Variants in PDE9A observed in about 807,000 individuals in gnomAD.
The protein encoded by PDE9A is high affinity cGMP-specific 3',5'-cyclic phosphodiesterase 9A.
In PDE9A, 60 loss-of-function variants were observed where a neutral mutation model predicts 87.4. The ratio of observed to expected loss-of-function variants is 0.69; its 90% CI spans 0.56 to 0.85. The LOEUF is 0.85. Among genes scored for constraint, PDE9A ranks in the 40% least tolerant of loss-of-function variants. The probability of loss-of-function intolerance (pLI) is 0.00; values close to 1 mark genes in which losing one functional copy is unlikely to be tolerated. For synonymous variants in PDE9A, 272 were observed against 279.4 expected (o/e 0.97, Z 0.27); for missense variants, 665 against 779.0 (o/e 0.85, Z 1.74).
rs528209780 is a variant in PDE9A at position 42,688,523 on chromosome 21, C to T, written c.218+529C>T. ...ATGTCTGTGAACTAGGTCAAGCCAGCGGTGTATGGCCCAGGAAGGACGCGG... is the reference window on the plus strand; with the variant it reads ...ATGTCTGTGAACTAGGTCAAGCCAGTGGTGTATGGCCCAGGAAGGACGCGG... On this transcript the variant is annotated intron_variant, in intron 3 of 19. Coordinates refer to ENST00000291539, the MANE Select transcript of PDE9A (RefSeq NM_002606.3). Among the ~76,000 whole-genome samples the T allele has an allele frequency of 9.8e-5, 15 of 152,294 alleles. 1 individual carries two copies. Among genetic ancestry groups the T allele is most frequent in the Admixed American group, 3.3e-4 (5 of 15,294 alleles).
At chr21:42,750,631 A>G (rs2054320803) in intron 8 of PDE9A, among the ~76,000 whole-genome samples, 1 of 151,386 alleles carries the variant, frequency 6.6e-6, no homozygotes, top group Non-Finnish European at 1.5e-5. Flanking sequence ...GCTGGCGTGC[A>G]GTGGCACAAT....
intron 4 of PDE9A, among the ~76,000 whole-genome samples, chr21:42,710,752 C>T (rs1018840632): frequency 1.3e-5 from 2 of 152,196 alleles, no homozygotes; most frequent in African/African-American, 4.8e-5. Flanking sequence ...CTTTGGAAGG[C>T]CAAGGTGGGT....
intron 1 of PDE9A, among the ~76,000 whole-genome samples, chr21:42,685,505 T>C (rs1043901135): frequency 2.1e-5 from 3 of 143,504 alleles, no homozygotes; most frequent in African/African-American, 7.7e-5. Context: ...TCACTCTTGT[T>C]GCCCAGGCTG....
intron 3 of PDE9A, chr21:42,698,767 G>A: frequency 2.2e-6 from 1 of 444,798 alleles, no homozygotes; most frequent in East Asian, 3.4e-5. Flanking sequence ...AGAGGAAGGT[G>A]ATCATTTAAA....
At chr21:42,700,839 TAAAAC>T (rs1183939409) in intron 4 of PDE9A, 3 of 152,240 alleles carry the variant, frequency 2.0e-5, no homozygotes, top group Non-Finnish European at 4.4e-5. Flanking sequence ...TTACATGTCT[TAAAAC>T]AACAGCACAC....
At chr21:42,726,622 A>ATTTTTT (rs1445924271) in intron 4 of PDE9A, among the ~76,000 whole-genome samples, 36 of 25,210 alleles carry the variant, frequency 1.4e-3, no homozygotes, top group South Asian at 2.4e-3. Flanking sequence ...ATATATATAT[A>ATTTTTT]TATTTTTTTT....
At chr21:42,727,077 C>CAAAAAAAAA in intron 4 of PDE9A, among the ~76,000 whole-genome samples, 1 of 81,686 alleles carries the variant, frequency 1.2e-5, no homozygotes. Context: ...TCTATTTCTA[C>CAAAAAAAAA]AAAAAAAAAA....
intron 1 of PDE9A, among the ~76,000 whole-genome samples, chr21:42,681,389 A>G (rs369274488): frequency 5.3e-5 from 8 of 152,366 alleles, no homozygotes; most frequent in East Asian, 1.9e-4. Flanking sequence ...TCCGCAGCCG[A>G]TGGCCCAGGA....
rs775827952 is a variant in PDE9A, at chr21:42,769,155, GGTGA to G, written c.1590+3_1590+6del. The stretch of plus-strand genomic sequence containing the variant: ...TCCCAATGTTTGAAACAGTGACCAA[GGTGA>G]GTAACTGTCACCACATGTCACACTT... On this transcript the variant is annotated splice_donor_variant and splice_donor_region_variant and intron_variant, in intron 17 of 19. Coordinates refer to ENST00000291539, the MANE Select transcript of PDE9A (RefSeq NM_002606.3). LOFTEE classifies it high-confidence loss of function. The G allele has an allele frequency of 9.3e-6, 15 of 1,612,424 alleles. No individual in the cohort carries two copies. The highest frequency in any genetic ancestry group is 3.3e-5 in the Admixed American group (2 of 59,824).
At chr21:42,721,247 T>C (rs2269149) in intron 4 of PDE9A, among the ~76,000 whole-genome samples, 97,833 of 151,970 alleles carry the variant, frequency 0.64, 32,048 homozygotes, top group East Asian at 0.94. Flanking sequence ...CGATACAAAA[T>C]GTGAAATTCC....
intron 8 of PDE9A, among the ~76,000 whole-genome samples, chr21:42,745,175 G>A (rs533871932): frequency 6.6e-6 from 1 of 152,348 alleles, no homozygotes; most frequent in South Asian, 2.1e-4. Flanking sequence ...AGAAGGTGAA[G>A]GGAAAGCCGA....
At chr21:42,729,182 T>C (rs2051460521) in intron 4 of PDE9A, among the ~76,000 whole-genome samples, 1 of 152,208 alleles carries the variant, frequency 6.6e-6, no homozygotes, top group Admixed American at 6.5e-5. Flanking sequence ...TGCTATAGGT[T>C]GTTTAAATTA....
chr21:42,757,962 G>A (rs2055257412), intron 10 of PDE9A: 1 of 152,398 alleles, frequency 6.6e-6, no homozygotes. Flanking sequence ...GCCCTTTTGG[G>A]AGGAGAAAGT....
At position 42,738,906 on chromosome 21, in the gene PDE9A, G is replaced by A. The variant is rs1456027688; in HGVS notation, c.569-4870G>A. On this transcript the variant is annotated intron_variant, in intron 7 of 19. Coordinates refer to ENST00000291539, the MANE Select transcript of PDE9A (RefSeq NM_002606.3). ...TTCATTATGTTGGCTGGACAAGCTG[G>A]TCTCAAACTCCTGACCTCAGGTGAT... 2.0e-5 allele frequency among the ~76,000 whole-genome samples: 3 copies of A among 152,196 alleles called. No individual in the cohort carries two copies. In the East Asian group the frequency reaches 5.8e-4, roughly 29 times the overall value.
In PDE9A at chr21:42,762,065, T is replaced by A. The variant is rs767617126; in HGVS notation, c.1086-18T>A. 60 of 1,610,098 alleles carry A rather than the reference T, an allele frequency of 3.7e-5. No individual in the cohort carries two copies. The highest frequency in any genetic ancestry group is 5.0e-5 in the Non-Finnish European group (59 of 1,177,876). The stretch of plus-strand genomic sequence containing the variant: ...TGAGGGCGCCTGAGTCTCCCCTCAC[T>A]CTCTCCTTGCCTCCCAGGTACCAGA... On this transcript the variant is annotated intron_variant, in intron 13 of 19. Coordinates refer to ENST00000291539, the MANE Select transcript of PDE9A (RefSeq NM_002606.3).
At chr21:42,709,788 A>T (rs987375983) in intron 4 of PDE9A, among the ~76,000 whole-genome samples, 1 of 152,002 alleles carries the variant, frequency 6.6e-6, no homozygotes, top group African/African-American at 2.4e-5. Flanking sequence ...GGCTCAGGTG[A>T]TCCTCCCACC....
chr21:42,678,739 G>A (rs2058991191), intron 1 of PDE9A, among the ~76,000 whole-genome samples: 1 of 152,268 alleles, frequency 6.6e-6, no homozygotes, highest in Non-Finnish European at 1.5e-5. Context: ...CATCGGATGT[G>A]CAGCCAGCAT....
intron 1 of PDE9A, among the ~76,000 whole-genome samples, chr21:42,654,379 G>A (rs1212289058): frequency 6.6e-6 from 1 of 152,140 alleles, no homozygotes; most frequent in South Asian, 2.1e-4. Context: ...CGGAGAGCCT[G>A]GGGGGCAGCG....
At chr21:42,657,271 C>T (rs2057148348) in intron 1 of PDE9A, among the ~76,000 whole-genome samples, 1 of 152,218 alleles carries the variant, frequency 6.6e-6, no homozygotes, top group Non-Finnish European at 1.5e-5. Context: ...CCTTGGCTTG[C>T]CAGGGTGCAC....
Sources: gnomAD v4.1 joint callset for allele counts (sites outside exome capture counted in the v4.1 genomes callset) on GRCh38, gnomAD v4.1.1 for gene constraint, MANE v1.5 for transcripts, NCBI Gene and HGNC (gene_info 2026-07-23, HGNC 2026-07-21) for gene names.